The following OTOA variants were observed in gnomAD, a reference collection of about 807,000 sequenced individuals.
OTOA encodes cancer/testis antigen 108.
OTOA carries 70 observed loss-of-function variants against 110.8 expected under a neutral mutation model. The ratio of observed to expected loss-of-function variants is 0.63; its 90% CI spans 0.52 to 0.77. The LOEUF is 0.77. OTOA is among the 30% of genes least tolerant of loss of function. The pLI is 0.00. For missense variants in OTOA, 917 were observed against 1,075.8 expected, an observed-to-expected ratio of 0.85 and a Z score of 2.06; for synonymous variants, 373 against 431.5, an observed-to-expected ratio of 0.86 and a Z score of 1.68.
At chr16:21,735,319 G>A (rs1006790102) in intron 21 of OTOA, among the ~76,000 whole-genome samples, 4 of 151,920 alleles carry the variant, frequency 2.6e-5, no homozygotes, top group African/African-American at 9.7e-5. Flanking sequence ...AGGAGCAAGA[G>A]CGTGATGGGG....
At chr16:21,714,277 TCC>T in intron 13 of OTOA, among the ~76,000 whole-genome samples, 4 of 114,028 alleles carry the variant, frequency 3.5e-5, no homozygotes, top group South Asian at 3.0e-4. Context: ...CTTTCTTTCC[TCC>T]TTCCTTTCTT....
In OTOA at chr16:21,730,825, A is replaced by G; in HGVS notation, c.2208-12A>G. 4.1e-6 allele frequency: 6 copies of G among 1,464,818 alleles called. No individual in the cohort carries two copies. Among genetic ancestry groups the G allele is most frequent in the East Asian group, 2.3e-5 (1 of 43,370 alleles). 90.7% of individuals were successfully genotyped at this position (1,464,818 alleles called of 1,614,324 possible). On this transcript the variant is annotated splice_polypyrimidine_tract_variant and intron_variant, in intron 20 of 28. Transcript: ENST00000646100. ...ATGTTTTTTCACTTTACTGGTTATTATCTCTTTTTAGACTCCCTCAGCACT... is the reference window on the plus strand; with the variant it reads ...ATGTTTTTTCACTTTACTGGTTATTGTCTCTTTTTAGACTCCCTCAGCACT...
chr16:21,676,867 T>C (rs1023054988), intron 1 of OTOA, among the ~76,000 whole-genome samples: 2 of 152,170 alleles, frequency 1.3e-5, no homozygotes, highest in Non-Finnish European at 2.9e-5. Context: ...GGAGCAATTA[T>C]AGAGCTCAGC....
chr16:21,665,266 T>C (rs1248836623), intron 1 of OTOA, among the ~76,000 whole-genome samples: 1 of 152,178 alleles, frequency 6.6e-6, no homozygotes, highest in Admixed American at 6.5e-5. Flanking sequence ...GCTCTGGGTT[T>C]GCCACCTGGC....
chr16:21,729,117 T>C (rs2141720358), intron 20 of OTOA, among the ~76,000 whole-genome samples: 1 of 152,044 alleles, frequency 6.6e-6, no homozygotes, highest in African/African-American at 2.4e-5. Context: ...CACTGCAGCC[T>C]CAACCTCCCT....
At chr16:21,731,670 C>G (rs1899121324) in intron 21 of OTOA, among the ~76,000 whole-genome samples, 1 of 152,112 alleles carries the variant, frequency 6.6e-6, no homozygotes, top group Admixed American at 6.6e-5. Context: ...ATGACCAAGA[C>G]CAACTTTAAT....
intron 22 of OTOA, among the ~76,000 whole-genome samples, chr16:21,736,816 G>A (rs551410211): frequency 1.0e-3 from 155 of 152,346 alleles, no homozygotes; most frequent in Non-Finnish European, 1.4e-3. Context: ...GGGTGACAGC[G>A]AGACTCTGTC....
chr16:21,678,301 A>G (rs2141652258), intron 1 of OTOA, among the ~76,000 whole-genome samples: 1 of 152,158 alleles, frequency 6.6e-6, no homozygotes, highest in Non-Finnish European at 1.5e-5. Context: ...TTAGACAAGA[A>G]TGGGGGTTTA....
intron 12 of OTOA, among the ~76,000 whole-genome samples, chr16:21,707,617 CTT>C (rs1555499019): frequency 2.2e-5 from 2 of 89,960 alleles, no homozygotes; most frequent in African/African-American, 3.3e-5. Context: ...TTCTTTCTTT[CTT>C]TCTTTCTTTC....
chr16:21,714,912 A>C, intron 13 of OTOA, 73 bp from the exon 14 acceptor site: 2 of 1,597,988 alleles, frequency 1.3e-6, no homozygotes, highest in Non-Finnish European at 1.7e-6. Context: ...CTTGGCACAT[A>C]GATGGGCTGA....
chr16:21,698,763 G>A (rs573507580), intron 10 of OTOA, among the ~76,000 whole-genome samples: 1 of 152,048 alleles, frequency 6.6e-6, no homozygotes, highest in Admixed American at 6.6e-5. Context: ...AATTAACCCC[G>A]CACCCCACTG....
chr16:21,735,346 T>G (rs1319008414), intron 21 of OTOA, among the ~76,000 whole-genome samples: 1 of 151,510 alleles, frequency 6.6e-6, no homozygotes, highest in Non-Finnish European at 1.5e-5. Context: ...CTACATGCAT[T>G]TAAACAACAA....
intron 17 of OTOA, among the ~76,000 whole-genome samples, chr16:21,720,678 G>A (rs1241782791): frequency 6.6e-6 from 1 of 152,116 alleles, no homozygotes; most frequent in Non-Finnish European, 1.5e-5. Context: ...CAGTTTGCTG[G>A]TACAAACCAC....
Position 21,691,574 on chromosome 16 carries a change from T to C in OTOA, c.636-10T>C. 1 of 1,608,532 alleles carries C rather than the reference T, an allele frequency of 6.2e-7. No individual in the cohort carries two copies. The highest frequency in any genetic ancestry group is 1.1e-5 in the South Asian group (1 of 90,894). ...TGTTATTAGCTGATGCCTGTGTTTGTGTCATTTAGATCTGCAGTGTTCAAA... is the reference window on the plus strand; with the variant it reads ...TGTTATTAGCTGATGCCTGTGTTTGCGTCATTTAGATCTGCAGTGTTCAAA... On this transcript the variant is annotated splice_polypyrimidine_tract_variant and intron_variant, in intron 8 of 28. Coordinates refer to ENST00000646100, the MANE Select transcript of OTOA (RefSeq NM_144672.4).
intron 1 of OTOA, among the ~76,000 whole-genome samples, chr16:21,677,664 A>G (rs1264449466): frequency 6.6e-6 from 1 of 151,326 alleles, no homozygotes; most frequent in Non-Finnish European, 1.5e-5. Flanking sequence ...TTGTATTTTT[A>G]TTAGAGACGG....
chr16:21,705,456 A>C (rs1898144466), intron 12 of OTOA, 164 bp downstream of exon 12: 1 of 1,041,784 alleles, frequency 9.6e-7, no homozygotes, highest in Non-Finnish European at 1.4e-6. Context: ...TAAGTGTAAC[A>C]TCGAAGCCCA....
intron 13 of OTOA, among the ~76,000 whole-genome samples, chr16:21,714,472 T>TTTC: frequency 7.0e-6 from 1 of 143,130 alleles, no homozygotes; most frequent in Non-Finnish European, 1.5e-5. Context: ...TCTTTCTTTC[T>TTTC]TTCTTTCCTC....
At chr16:21,711,116 A>G (rs1308628753) in intron 13 of OTOA, among the ~76,000 whole-genome samples, 1 of 152,214 alleles carries the variant, frequency 6.6e-6, no homozygotes, top group Non-Finnish European at 1.5e-5. Context: ...GTGACACCAC[A>G]GAGTAGGAGC....
intron 1 of OTOA, among the ~76,000 whole-genome samples, chr16:21,673,785 G>A (rs966927731): frequency 2.6e-5 from 4 of 151,958 alleles, no homozygotes; most frequent in Non-Finnish European, 4.4e-5. Context: ...TACAGGTTTT[G>A]TTTGTTTGTT....
Sources: allele counts gnomAD v4.1 joint callset (sites outside exome capture counted in the v4.1 genomes callset), GRCh38; gene constraint gnomAD v4.1.1; transcripts MANE v1.5; gene names NCBI Gene and HGNC (gene_info 2026-07-23, HGNC 2026-07-21).